Variants in CNTLN observed in about 807,000 individuals in gnomAD.
CNTLN encodes the protein centlein, centrosomal protein.
Under a neutral mutation model 180.0 loss-of-function variants are expected in CNTLN, and 212 were observed. The observed-to-expected ratio is 1.18, with a 90% CI of 1.05 to 1.32. CNTLN has a LOEUF of 1.32. CNTLN is among the 40% of genes most tolerant of loss of function. CNTLN has a pLI of 0.00. For synonymous variants in CNTLN, 722 were observed against 563.1 expected (o/e 1.28, Z -3.99); for missense variants, 2,095 against 1,610.9 (o/e 1.30, Z -5.14).
At chr9:17,318,339 A>G (rs1487548336) in intron 8 of CNTLN, among the ~76,000 whole-genome samples, 1 of 152,012 alleles carries the variant, frequency 6.6e-6, no homozygotes, top group Non-Finnish European at 1.5e-5. Flanking sequence ...CTAACTGAAT[A>G]TTTTTAAAAG....
At chr9:17,231,289 A>C (rs571522073) in intron 3 of CNTLN, among the ~76,000 whole-genome samples, 1 of 152,148 alleles carries the variant, frequency 6.6e-6, no homozygotes, top group Admixed American at 6.6e-5. Context: ...CAAATCCTTC[A>C]GCTTATTTAA....
the CNTLN span, among the ~76,000 whole-genome samples, chr9:17,519,166 A>T: frequency 6.6e-6 from 1 of 151,140 alleles, no homozygotes; most frequent in Non-Finnish European, 1.5e-5. Context: ...GGGCTGAGGC[A>T]TTCTGCCCAC....
chr9:17,383,938 C>T (rs1447218526), intron 13 of CNTLN, among the ~76,000 whole-genome samples: 1 of 151,990 alleles, frequency 6.6e-6, no homozygotes, highest in Non-Finnish European at 1.5e-5. Context: ...TTGCCCGGCC[C>T]GTAACATGAA....
chr9:17,332,875 T>C (rs1820738824), intron 10 of CNTLN, 145 bp downstream of exon 10: 1 of 417,820 alleles, frequency 2.4e-6, no homozygotes, highest in Admixed American at 4.8e-5. Flanking sequence ...GTTCATCTTG[T>C]TATTAAGATT....
At chr9:17,192,460 A>C (rs1333906730) in intron 2 of CNTLN, among the ~76,000 whole-genome samples, 1 of 150,782 alleles carries the variant, frequency 6.6e-6, no homozygotes, top group Non-Finnish European at 1.5e-5. Flanking sequence ...GCTGGTCTTG[A>C]ATTCCCGACC....
intron 23 of CNTLN, among the ~76,000 whole-genome samples, chr9:17,473,418 A>G (rs1229466201): frequency 2.6e-5 from 4 of 151,784 alleles, no homozygotes. Flanking sequence ...CTTCCCTCCT[A>G]TTGGGAATGA....
chr9:17,302,022 C>A, intron 7 of CNTLN: 1 of 984,536 alleles, frequency 1.0e-6, no homozygotes, highest in Non-Finnish European at 1.2e-6. Flanking sequence ...AATAAAGCTG[C>A]AATAAACATT....
At chr9:17,253,022 A>C (rs145700279) in intron 5 of CNTLN, among the ~76,000 whole-genome samples, 1 of 151,580 alleles carries the variant, frequency 6.6e-6, no homozygotes, top group African/African-American at 2.4e-5. Flanking sequence ...AAGAGGCGCT[A>C]TCCTATTCTA....
intron 23 of CNTLN, among the ~76,000 whole-genome samples, chr9:17,477,288 G>T (rs1284036903): frequency 6.6e-6 from 1 of 152,292 alleles, no homozygotes; most frequent in South Asian, 2.1e-4. Context: ...CTGTTTTCAT[G>T]CCTGCTAATA....
chr9:17,258,958 C>T (rs1418264705), intron 5 of CNTLN, among the ~76,000 whole-genome samples: 1 of 150,410 alleles, frequency 6.6e-6, no homozygotes, highest in Non-Finnish European at 1.5e-5. Flanking sequence ...TAATTGAATA[C>T]CCTTTATTTC....
intron 8 of CNTLN, among the ~76,000 whole-genome samples, chr9:17,324,606 TG>T (rs1663659740): frequency 6.6e-6 from 1 of 152,172 alleles, no homozygotes; most frequent in South Asian, 2.1e-4. Context: ...TGCTCAATTT[TG>T]TACCAAAGAT....
Position 17,284,944 on chromosome 9 carries a change from C to A in CNTLN, c.983+11078C>A, listed in dbSNP as rs112488789. On this transcript the variant is annotated intron_variant, in intron 6 of 25. Transcript: ENST00000380647. ...CTGCTTTAGCTGGATCCCAGAGACT[C>A]TGTGTGTTGTCTCTTTGTTATCATT... Among the ~76,000 whole-genome samples, 1,437 of 151,436 alleles carry A rather than the reference C, an allele frequency of 9.5e-3. 13 individuals are homozygous for A. The highest frequency in any genetic ancestry group is 0.017 in the Middle Eastern group (5 of 290).
At chr9:17,348,563 C>T (rs1481699506) in intron 12 of CNTLN, among the ~76,000 whole-genome samples, 1 of 146,604 alleles carries the variant, frequency 6.8e-6, no homozygotes, top group Non-Finnish European at 1.5e-5. Flanking sequence ...CGGAGTCTTG[C>T]TCTGTCGCCC....
intron 18 of CNTLN, among the ~76,000 whole-genome samples, chr9:17,435,340 T>G (rs1055277428): frequency 6.6e-6 from 1 of 152,218 alleles, no homozygotes; most frequent in African/African-American, 2.4e-5. Context: ...CTTTCTGGAC[T>G]TAGTTATTTT....
intron 25 of CNTLN, among the ~76,000 whole-genome samples, chr9:17,498,147 A>T (rs1190278093): frequency 6.6e-6 from 1 of 152,188 alleles, no homozygotes; most frequent in Non-Finnish European, 1.5e-5. Context: ...TGTCCTTTAT[A>T]CTTAAAAGTT....
chr9:17,294,044 TTGTTCCTTC>T (rs1817607935), intron 6 of CNTLN, among the ~76,000 whole-genome samples: 1 of 152,094 alleles, frequency 6.6e-6, no homozygotes, highest in Admixed American at 6.5e-5. Context: ...TGTCCGGAGT[TTGTTCCTTC>T]TGATGTTCAG....
intron 5 of CNTLN, among the ~76,000 whole-genome samples, chr9:17,257,923 G>A (rs112839413): frequency 0.22 from 22,269 of 102,574 alleles, 654 homozygotes; most frequent in South Asian, 0.34. Context: ...CCCATTTTGT[G>A]GGTTGCCTGT....
At chr9:17,220,109 G>C (rs979921775) in intron 2 of CNTLN, among the ~76,000 whole-genome samples, 1 of 152,080 alleles carries the variant, frequency 6.6e-6, no homozygotes, top group Non-Finnish European at 1.5e-5. Context: ...TTGATTCAGT[G>C]CATCTGGATT....
chr9:17,480,370 AAC>A (rs1491064998), intron 23 of CNTLN, among the ~76,000 whole-genome samples: 95 of 137,466 alleles, frequency 6.9e-4, no homozygotes, highest in Admixed American at 1.5e-3. Context: ...AAAAAAAAAA[AAC>A]ACATTAGGAA....
Sources: allele counts gnomAD v4.1 joint callset (sites outside exome capture counted in the v4.1 genomes callset), GRCh38; gene constraint gnomAD v4.1.1; transcripts MANE v1.5; gene names NCBI Gene and HGNC (gene_info 2026-07-23, HGNC 2026-07-21).